The following PDLIM5 variants were observed in gnomAD, a reference collection of about 807,000 sequenced individuals.
PDLIM5 encodes the protein PDZ and LIM domain protein 5.
PDLIM5 carries 34 observed loss-of-function variants against 64.2 expected under a neutral mutation model. The observed-to-expected ratio is 0.53, with a 90% CI of 0.40 to 0.71. The LOEUF (loss-of-function observed/expected upper bound fraction) is 0.71, where lower values mean the gene tolerates loss of function less well. Ranked by LOEUF, PDLIM5 falls within the 30% of genes least tolerant of loss-of-function variation. The pLI is 0.00. For synonymous variants in PDLIM5, 253 were observed against 269.1 expected (o/e 0.94, Z 0.59); for missense variants, 683 against 733.6 (o/e 0.93, Z 0.80).
In PDLIM5 at chr4:94,625,898, A is replaced by G. The variant is rs1389582483; in HGVS notation, c.1108+7707A>G. Among the ~76,000 whole-genome samples the G allele has an allele frequency of 2.6e-5, 4 of 152,318 alleles. No homozygotes were observed. The South Asian group carries it at 6.2e-4, about 24-fold the overall frequency. Reference sequence around the variant, plus strand: ...AGTGATTTGCTTTTCTCTGTGAGACAGTTTGGATATGTAGTAAAGACAAAG... The same window carrying G: ...AGTGATTTGCTTTTCTCTGTGAGACGGTTTGGATATGTAGTAAAGACAAAG... On this transcript the variant is annotated intron_variant, in intron 8 of 12. Transcript: ENST00000317968.
chr4:94,571,294 G>C (rs1160645262), intron 3 of PDLIM5, among the ~76,000 whole-genome samples: 1 of 152,050 alleles, frequency 6.6e-6, no homozygotes, highest in Admixed American at 6.5e-5. Context: ...AATGCATCAG[G>C]GATTTTTATT....
At chr4:94,662,644 AG>A in intron 12 of PDLIM5, 107 bp downstream of exon 12, 1 of 491,628 alleles carries the variant, frequency 2.0e-6, no homozygotes, top group South Asian at 4.0e-5. Flanking sequence ...TTCAAACCTA[AG>A]GAAAAATTAT....
At chr4:94,634,925 C>T (rs1040813407) in intron 8 of PDLIM5, among the ~76,000 whole-genome samples, 1 of 152,160 alleles carries the variant, frequency 6.6e-6, no homozygotes, top group East Asian at 1.9e-4. Context: ...ACTAACTTAA[C>T]AAATTTATAC....
At chr4:94,596,474 A>G (rs1429147644) in intron 7 of PDLIM5, among the ~76,000 whole-genome samples, 1 of 152,086 alleles carries the variant, frequency 6.6e-6, no homozygotes, top group Non-Finnish European at 1.5e-5. Context: ...GAATTAAACC[A>G]GATAATTAAA....
intron 2 of PDLIM5, among the ~76,000 whole-genome samples, chr4:94,477,756 C>G (rs1040236877): frequency 1.3e-5 from 2 of 152,086 alleles, no homozygotes; most frequent in African/African-American, 4.8e-5. Context: ...GCTTGCCTGT[C>G]CTGCCTCCCC....
At chr4:94,483,735 C>T (rs1299748550) in intron 2 of PDLIM5, among the ~76,000 whole-genome samples, 1 of 152,104 alleles carries the variant, frequency 6.6e-6, no homozygotes, top group Non-Finnish European at 1.5e-5. Flanking sequence ...ATTTCCATAT[C>T]CCAGATATGT....
At chr4:94,537,594 T>C (rs774801534) in intron 3 of PDLIM5, among the ~76,000 whole-genome samples, 1 of 152,128 alleles carries the variant, frequency 6.6e-6, no homozygotes, top group Non-Finnish European at 1.5e-5. Flanking sequence ...TGTTTTTTAG[T>C]GCATAGTAGG....
intron 2 of PDLIM5, among the ~76,000 whole-genome samples, chr4:94,465,330 C>G (rs1387167140): frequency 6.6e-6 from 1 of 152,078 alleles, no homozygotes; most frequent in East Asian, 1.9e-4. Flanking sequence ...GGGTCCTGTT[C>G]TAGATGTTTT....
At chr4:94,580,733 C>G (rs1341104971) in intron 5 of PDLIM5, among the ~76,000 whole-genome samples, 1 of 152,018 alleles carries the variant, frequency 6.6e-6, no homozygotes, top group Non-Finnish European at 1.5e-5. Flanking sequence ...ATACCTTTCT[C>G]AAGTCACACA....
intron 3 of PDLIM5, among the ~76,000 whole-genome samples, chr4:94,551,551 G>A (rs575452780): frequency 6.6e-6 from 1 of 152,106 alleles, no homozygotes; most frequent in East Asian, 1.9e-4. Context: ...TCACTTCATA[G>A]CCCATATTTT....
chr4:94,580,533 A>G (rs1735644060), intron 5 of PDLIM5, among the ~76,000 whole-genome samples: 2 of 152,266 alleles, frequency 1.3e-5, no homozygotes, highest in East Asian at 1.9e-4. Flanking sequence ...ACTAGATTCC[A>G]GTGTAAAAAT....
intron 8 of PDLIM5, among the ~76,000 whole-genome samples, chr4:94,626,867 T>A (rs1739740436): frequency 3.9e-5 from 6 of 152,042 alleles, no homozygotes; most frequent in Admixed American, 3.9e-4. Flanking sequence ...ATGATGTGCA[T>A]CTCAGTTATA....
At chr4:94,657,355 A>G in intron 10 of PDLIM5, 72 bp from the exon 11 acceptor site, 1 of 1,098,346 alleles carries the variant, frequency 9.1e-7, no homozygotes, top group Non-Finnish European at 1.4e-6. Flanking sequence ...TTACTGGTAC[A>G]GATATTAGAA....
intron 7 of PDLIM5, among the ~76,000 whole-genome samples, chr4:94,614,396 T>G (rs1238132331): frequency 1.3e-5 from 2 of 152,312 alleles, no homozygotes; most frequent in Admixed American, 1.3e-4. Flanking sequence ...ATTACAGGCA[T>G]GAACTACTGT....
At chr4:94,455,663 T>C in intron 2 of PDLIM5, 1 of 864,460 alleles carries the variant, frequency 1.2e-6, no homozygotes, top group Non-Finnish European at 1.8e-6. Context: ...GAACTGTCCC[T>C]AATTTGGGGA....
intron 10 of PDLIM5, among the ~76,000 whole-genome samples, chr4:94,656,246 G>T (rs6837308): frequency 0.3 from 45,622 of 151,858 alleles, 7,165 homozygotes; most frequent in Non-Finnish European, 0.35. Flanking sequence ...TTATGTATAT[G>T]ATTTTTTGTG....
chr4:94,512,383 G>A (rs766900521), intron 2 of PDLIM5, among the ~76,000 whole-genome samples: 8 of 152,008 alleles, frequency 5.3e-5, no homozygotes, highest in Admixed American at 1.3e-4. Context: ...ACTAATTTAC[G>A]TTCCCACCAA....
chr4:94,620,930 G>GC (rs1739175332), intron 8 of PDLIM5, among the ~76,000 whole-genome samples: 1 of 150,760 alleles, frequency 6.6e-6, no homozygotes, highest in Non-Finnish European at 1.5e-5. Context: ...AGTTAGCCAG[G>GC]CGTGGTGGTG....
chr4:94,533,947 G>T (rs1261938503), intron 3 of PDLIM5, among the ~76,000 whole-genome samples: 2 of 152,162 alleles, frequency 1.3e-5, no homozygotes, highest in Admixed American at 6.5e-5. Flanking sequence ...AGTGATTTTG[G>T]ATCATGTAGA....
Sources: gnomAD v4.1 joint callset for allele counts (sites outside exome capture counted in the v4.1 genomes callset) on GRCh38, gnomAD v4.1.1 for gene constraint, MANE v1.5 for transcripts, NCBI Gene and HGNC (gene_info 2026-07-23, HGNC 2026-07-21) for gene names.